The following CSGALNACT1 variants were observed in gnomAD, a reference collection of about 807,000 sequenced individuals.
CSGALNACT1 encodes beta4GalNAcT-1.
CSGALNACT1 carries 52 observed loss-of-function variants against 51.0 expected under a neutral mutation model. The ratio of observed to expected loss-of-function variants is 1.02; its 90% CI spans 0.82 to 1.29. The LOEUF (loss-of-function observed/expected upper bound fraction) is 1.29. Among genes scored for constraint, CSGALNACT1 ranks in the 50% most tolerant of loss-of-function variants. The probability of loss-of-function intolerance (pLI) is 0.00; values close to 1 mark genes in which losing one functional copy is unlikely to be tolerated. For synonymous variants in CSGALNACT1, 341 were observed against 254.4 expected (o/e 1.34, Z -3.24); for missense variants, 935 against 679.2 (o/e 1.38, Z -4.19).
At chr8:19,435,375 C>T (rs2060225029) in intron 6 of CSGALNACT1, among the ~76,000 whole-genome samples, 1 of 151,926 alleles carries the variant, frequency 6.6e-6, no homozygotes. Context: ...CGCCTATAGT[C>T]CTAGCTACCT....
At chr8:19,590,780 G>C (rs1393371491) in intron 3 of CSGALNACT1, among the ~76,000 whole-genome samples, 1 of 150,434 alleles carries the variant, frequency 6.6e-6, no homozygotes, top group African/African-American at 2.5e-5. Flanking sequence ...CTCTCATGTA[G>C]CTGGGATTAC....
At chr8:19,630,836 G>C (rs1194962104) in intron 1 of CSGALNACT1, among the ~76,000 whole-genome samples, 1 of 150,668 alleles carries the variant, frequency 6.6e-6, no homozygotes, top group African/African-American at 2.4e-5. Context: ...AACAGTTTTA[G>C]GGTTACCAAA....
rs376763547 is a variant in CSGALNACT1 at position 19,533,880 on chromosome 8, AATAAG to A, written c.-296-27755_-296-27751del. Among the ~76,000 whole-genome samples the A allele has an allele frequency of 6.9e-3, 1,050 of 152,270 alleles. 13 individuals are homozygous for A. Among genetic ancestry groups the A allele is most frequent in the African/African-American group, 0.024 (996 of 41,544 alleles). ...TTAGATTTTTTAAAAGGGTCAAAAT[AATAAG>A]ATGTTTAAAACCATGAGGGGAAGAA... On this transcript the variant is annotated intron_variant, in intron 3 of 9. Transcript: ENST00000454498.
intron 3 of CSGALNACT1, among the ~76,000 whole-genome samples, chr8:19,549,822 G>T (rs2087498214): frequency 6.6e-6 from 1 of 152,060 alleles, no homozygotes; most frequent in Admixed American, 6.6e-5. Flanking sequence ...AAAGGCTTCA[G>T]ATTGGTGATC....
At chr8:19,527,498 T>A (rs2081945161) in intron 3 of CSGALNACT1, among the ~76,000 whole-genome samples, 1 of 152,134 alleles carries the variant, frequency 6.6e-6, no homozygotes, top group Admixed American at 6.6e-5. Context: ...CAGTCCCAGC[T>A]ACTCCAGAGG....
chr8:19,472,032 C>T (rs2068309228), intron 4 of CSGALNACT1, among the ~76,000 whole-genome samples: 1 of 152,154 alleles, frequency 6.6e-6, no homozygotes, highest in South Asian at 2.1e-4. Context: ...CCATCTATTC[C>T]CATCATCTTA....
chr8:19,508,264 C>T (rs2077760616), intron 3 of CSGALNACT1, among the ~76,000 whole-genome samples: 1 of 152,228 alleles, frequency 6.6e-6, no homozygotes, highest in South Asian at 2.1e-4. Flanking sequence ...ACTATGTCTA[C>T]ACAACAGTTC....
intron 1 of CSGALNACT1, among the ~76,000 whole-genome samples, chr8:19,699,096 T>A (rs1364717096): frequency 6.6e-6 from 1 of 152,252 alleles, no homozygotes; most frequent in Non-Finnish European, 1.5e-5. Flanking sequence ...TTACCCAGTC[T>A]GGTCTCAAAC....
chr8:19,656,660 TCAAA>T (rs573733050), intron 1 of CSGALNACT1, among the ~76,000 whole-genome samples: 7 of 119,054 alleles, frequency 5.9e-5, no homozygotes, highest in African/African-American at 1.6e-4. Flanking sequence ...ACATGAAATA[TCAAA>T]CAATCATGTC....
chr8:19,458,762 C>A (rs764332518), intron 4 of CSGALNACT1, 120 bp from the exon 4 acceptor site: 2 of 943,014 alleles, frequency 2.1e-6, no homozygotes, highest in Non-Finnish European at 3.3e-6. Context: ...ATCTCTCCAA[C>A]AATTATTCGA....
intron 3 of CSGALNACT1, among the ~76,000 whole-genome samples, chr8:19,552,205 A>T (rs900752769): frequency 6.6e-6 from 1 of 152,210 alleles, no homozygotes; most frequent in Non-Finnish European, 1.5e-5. Context: ...TGAGTAGATG[A>T]AGAATTATTA....
chr8:19,646,361 G>C (rs2057281721), intron 1 of CSGALNACT1, among the ~76,000 whole-genome samples: 1 of 152,148 alleles, frequency 6.6e-6, no homozygotes, highest in African/African-American at 2.4e-5. Flanking sequence ...AAAAGTTAAA[G>C]GGCAATTCTG....
intron 5 of CSGALNACT1, among the ~76,000 whole-genome samples, chr8:19,456,926 A>G (rs940743569): frequency 1.3e-5 from 2 of 152,242 alleles, no homozygotes; most frequent in Non-Finnish European, 2.9e-5. Context: ...ATGTTTAAGA[A>G]GAAATAGACT....
At chr8:19,600,081 T>G (rs2050073376) in intron 2 of CSGALNACT1, among the ~76,000 whole-genome samples, 1 of 152,136 alleles carries the variant, frequency 6.6e-6, no homozygotes, top group Non-Finnish European at 1.5e-5. Context: ...CACCATTCAT[T>G]CATTCATTCA....
intron 1 of CSGALNACT1, among the ~76,000 whole-genome samples, chr8:19,696,350 A>C (rs1347833374): frequency 6.6e-6 from 1 of 152,140 alleles, no homozygotes; most frequent in Non-Finnish European, 1.5e-5. Context: ...AAAACAACCA[A>C]CTCTTCGTTC....
At chr8:19,684,588 C>T (rs993962134), upstream of CSGALNACT1, among the ~76,000 whole-genome samples, 4 of 152,088 alleles carry the variant, frequency 2.6e-5, no homozygotes, top group Non-Finnish European at 5.9e-5. Flanking sequence ...TCCCCTGGGA[C>T]CCAGGGATTG....
rs762696687 is a variant in CSGALNACT1, at chr8:19,420,321, A to G, written c.1132+19T>C. 1 of 1,613,782 alleles carries G rather than the reference A, an allele frequency of 6.2e-7. No individual in the cohort carries two copies. The highest frequency in any genetic ancestry group is 8.5e-7 in the Non-Finnish European group (1 of 1,179,690). ...GAGGGCTGGGGGCCACCTGAGCGTG[A>G]CAGAGAGATGATCCATACCTGGCTG... On this transcript the variant is annotated intron_variant, in intron 7 of 9. Transcript: ENST00000454498.
At chr8:19,660,900 G>GGTTT (rs1373133507) in intron 1 of CSGALNACT1, among the ~76,000 whole-genome samples, 1 of 151,976 alleles carries the variant, frequency 6.6e-6, no homozygotes, top group Non-Finnish European at 1.5e-5. Context: ...GGACCGTTCA[G>GGTTT]GTTTGTTTGT....
At position 19,506,141 on chromosome 8, in the gene CSGALNACT1, AC is replaced by A. The variant is rs1413937821; in HGVS notation, c.-296-12del. The A allele has an allele frequency of 1.7e-6, 1 of 588,632 alleles. No homozygotes were observed. The highest frequency in any genetic ancestry group is 1.5e-5 in the South Asian group (1 of 65,724). 36.5% of individuals were successfully genotyped at this position (588,632 alleles called of 1,614,324 possible). A position where few individuals can be genotyped will look rare whatever the true frequency, so the allele number is the denominator to read the frequency against. ...ACAGCAAGAGGGGACCTGGGAAGAA[AC>A]ACAAATGACATCAACACTTAATCAA... On this transcript the variant is annotated splice_polypyrimidine_tract_variant and intron_variant, in intron 3 of 9. Transcript: ENST00000454498.
Sources: allele counts gnomAD v4.1 joint callset (sites outside exome capture counted in the v4.1 genomes callset), GRCh38; gene constraint gnomAD v4.1.1; transcripts MANE v1.5; gene names NCBI Gene and HGNC (gene_info 2026-07-23, HGNC 2026-07-21).